MARCHF11: variants seen among roughly 807,000 people sequenced by gnomAD.
MARCHF11 encodes the protein membrane associated ring-CH-type finger 11.
A neutral mutation model predicts 37.3 loss-of-function variants in MARCHF11; 29 were observed. That is an observed-to-expected ratio of 0.78 (90% confidence interval 0.58 to 1.06). The LOEUF is 1.06. Among genes scored for constraint, MARCHF11 ranks in the 50% least tolerant of loss-of-function variants. MARCHF11 has a pLI of 0.00. For synonymous variants in MARCHF11, 233 were observed against 228.0 expected (o/e 1.02, Z -0.20); for missense variants, 482 against 533.4 (o/e 0.90, Z 0.95).
chr5:16,090,879 A>T lies in MARCHF11; in HGVS notation c.886+10T>A. 6.6e-7 allele frequency: 1 copy of T among 1,522,146 alleles called. No homozygotes were observed. The allele number at this position is 1,522,146 out of a possible 1,614,324, so 94.3% of individuals were successfully genotyped here. ...TGACAGTGTGTTAACGTTGAAGGTCATGGTCTTACCTATGCACACTAGATC... is the reference window on the plus strand; with the variant it reads ...TGACAGTGTGTTAACGTTGAAGGTCTTGGTCTTACCTATGCACACTAGATC... On this transcript the variant is annotated intron_variant, in intron 3 of 3. Transcript: ENST00000332432.
At chr5:16,164,280 T>C (rs1738135685) in intron 2 of MARCHF11, among the ~76,000 whole-genome samples, 1 of 151,972 alleles carries the variant, frequency 6.6e-6, no homozygotes, top group African/African-American at 2.4e-5. Flanking sequence ...ATGGACATAA[T>C]TGAATGGAGA....
intron 2 of MARCHF11, among the ~76,000 whole-genome samples, chr5:16,165,689 A>G (rs919031788): frequency 6.6e-6 from 1 of 152,120 alleles, no homozygotes; most frequent in Admixed American, 6.6e-5. Flanking sequence ...ATCTCATCAC[A>G]TCATATCAGG....
chr5:16,169,843 ACT>A (rs916682142), intron 2 of MARCHF11, among the ~76,000 whole-genome samples: 13 of 152,052 alleles, frequency 8.5e-5, no homozygotes, highest in African/African-American at 2.9e-4. Context: ...GGTCGGAAGT[ACT>A]CTCATTTTGC....
Position 16,165,801 on chromosome 5 carries a change from G to A in MARCHF11, c.693+11925C>T, listed in dbSNP as rs115778490. Among the ~76,000 whole-genome samples the A allele has an allele frequency of 5.6e-3, 858 of 152,048 alleles. 2 individuals are homozygous for A. Among genetic ancestry groups the A allele is most frequent in the African/African-American group, 0.018 (764 of 41,500 alleles). ...CTACATAGAATTTGCTAGCCTTCTC[G>A]ATTGTAAAGGTATTTCCTCATCCTT... is the stretch of plus-strand genomic sequence containing the variant. On this transcript the variant is annotated intron_variant, in intron 2 of 3. Transcript: ENST00000332432.
chr5:16,078,574 G>A (rs1313235457), intron 3 of MARCHF11, among the ~76,000 whole-genome samples: 1 of 152,012 alleles, frequency 6.6e-6, no homozygotes, highest in African/African-American at 2.4e-5. Context: ...TTAGAAGAAT[G>A]GTCATGTTCA....
chr5:16,168,332 C>A (rs1738204087), intron 2 of MARCHF11, among the ~76,000 whole-genome samples: 1 of 152,078 alleles, frequency 6.6e-6, no homozygotes, highest in Non-Finnish European at 1.5e-5. Context: ...GCGTCTTTCA[C>A]CCCATAGCTT....
chr5:16,150,209 T>A (rs1737868782), intron 2 of MARCHF11, among the ~76,000 whole-genome samples: 1 of 149,678 alleles, frequency 6.7e-6, no homozygotes, highest in South Asian at 2.1e-4. Context: ...ATAGATTATA[T>A]AATTCTTAGA....
chr5:16,176,765 C>CTTT, intron 2 of MARCHF11, among the ~76,000 whole-genome samples: 2 of 152,236 alleles, frequency 1.3e-5, no homozygotes, highest in African/African-American at 4.8e-5. Flanking sequence ...TGAATAAAAA[C>CTTT]TAAATTGGGT....
At chr5:16,177,348 A>G (rs1738379838) in intron 2 of MARCHF11, among the ~76,000 whole-genome samples, 1 of 152,254 alleles carries the variant, frequency 6.6e-6, no homozygotes, top group South Asian at 2.1e-4. Context: ...AATGGAGCCC[A>G]TTAGAGCTTA....
At chr5:16,155,148 A>G (rs1387333215) in intron 2 of MARCHF11, among the ~76,000 whole-genome samples, 1 of 151,942 alleles carries the variant, frequency 6.6e-6, no homozygotes, top group African/African-American at 2.4e-5. Context: ...TAAAAAAAGT[A>G]GAGAGCCATA....
chr5:16,107,140 G>A (rs901370366), intron 2 of MARCHF11, among the ~76,000 whole-genome samples: 1 of 152,102 alleles, frequency 6.6e-6, no homozygotes, highest in Non-Finnish European at 1.5e-5. Context: ...AAACATTACA[G>A]AAAAATGAAG....
intron 2 of MARCHF11, among the ~76,000 whole-genome samples, chr5:16,112,679 T>C (rs1737167145): frequency 6.6e-6 from 1 of 152,144 alleles, no homozygotes; most frequent in African/African-American, 2.4e-5. Flanking sequence ...GAAGGCATGA[T>C]TGGTTTTGAA....
chr5:16,072,167 C>T (rs1416760365), intron 3 of MARCHF11, among the ~76,000 whole-genome samples: 3 of 152,060 alleles, frequency 2.0e-5, no homozygotes, highest in African/African-American at 7.2e-5. Flanking sequence ...AGAGAGCTGT[C>T]CAACATCATG....
At chr5:16,164,978 G>T (rs1411317654) in intron 2 of MARCHF11, among the ~76,000 whole-genome samples, 1 of 151,942 alleles carries the variant, frequency 6.6e-6, no homozygotes, top group Non-Finnish European at 1.5e-5. Context: ...ACTTCCCACT[G>T]CTCTTGAATG....
intron 2 of MARCHF11, among the ~76,000 whole-genome samples, chr5:16,108,577 T>A (rs908910334): frequency 1.3e-5 from 2 of 151,814 alleles, no homozygotes; most frequent in African/African-American, 4.8e-5. Context: ...CAGGCTCACA[T>A]AGAGAAAAGA....
chr5:16,147,664 T>C (rs1560988888), intron 2 of MARCHF11, among the ~76,000 whole-genome samples: 2 of 144,022 alleles, frequency 1.4e-5, no homozygotes, highest in Admixed American at 7.2e-5. Context: ...CTCAGATATG[T>C]TGAATGACCA....
At chr5:16,115,697 G>A (rs528011523) in intron 2 of MARCHF11, among the ~76,000 whole-genome samples, 15 of 150,630 alleles carry the variant, frequency 1.0e-4, no homozygotes, top group Admixed American at 2.0e-4. Flanking sequence ...GTGCAGTCTT[G>A]GCTCACTGCA....
chr5:16,085,389 T>C (rs1287247848), intron 3 of MARCHF11, among the ~76,000 whole-genome samples: 1 of 152,212 alleles, frequency 6.6e-6, no homozygotes, highest in Non-Finnish European at 1.5e-5. Flanking sequence ...CACATTGGCA[T>C]GACCTATGTG....
intron 2 of MARCHF11, among the ~76,000 whole-genome samples, chr5:16,140,770 T>C (rs1737689719): frequency 6.6e-6 from 1 of 152,170 alleles, no homozygotes; most frequent in South Asian, 2.1e-4. Context: ...CATATAATTA[T>C]TCATATTAGT....
Sources: allele counts gnomAD v4.1 joint callset (sites outside exome capture counted in the v4.1 genomes callset), GRCh38; gene constraint gnomAD v4.1.1; transcripts MANE v1.5; gene names NCBI Gene and HGNC (gene_info 2026-07-23, HGNC 2026-07-21).